The following RANBP2 variants were observed in gnomAD, a reference collection of about 807,000 sequenced individuals.
The protein encoded by RANBP2 is RAN binding protein 2.
A neutral mutation model predicts 303.6 loss-of-function variants in RANBP2; 57 were observed. The observed-to-expected ratio is 0.19, with a 90% CI of 0.15 to 0.23. The LOEUF (loss-of-function observed/expected upper bound fraction) is 0.23. Ranked by LOEUF, RANBP2 falls within the 10% of genes least tolerant of loss-of-function variation. The pLI is 1.00. For synonymous variants in RANBP2, 1,167 were observed against 1,301.5 expected, an observed-to-expected ratio of 0.90 and a Z score of 2.23; for missense variants, 3,138 against 3,780.8, an observed-to-expected ratio of 0.83 and a Z score of 4.46.
At chr2:108,873,262 G>A in the RANBP2 span, among the ~76,000 whole-genome samples, 2 of 150,102 alleles carry the variant, frequency 1.3e-5, no homozygotes, top group Non-Finnish European at 3.0e-5. Flanking sequence ...TGTTTGCCTT[G>A]TTGAATAAGA....
chr2:109,285,724 G>A, the RANBP2 span, among the ~76,000 whole-genome samples: 1 of 152,190 alleles, frequency 6.6e-6, no homozygotes, highest in Non-Finnish European at 1.5e-5. Flanking sequence ...CCCTGAGCCT[G>A]GTCCAGTGTG....
At chr2:109,005,560 G>A in the RANBP2 span, among the ~76,000 whole-genome samples, 1 of 152,168 alleles carries the variant, frequency 6.6e-6, no homozygotes, top group South Asian at 2.1e-4. Flanking sequence ...CTGGGCAGTC[G>A]CAGTGTGCAA....
intron 26 of RANBP2, among the ~76,000 whole-genome samples, chr2:108,781,845 A>G (rs1379347379): frequency 2.0e-5 from 3 of 152,214 alleles, no homozygotes; most frequent in Non-Finnish European, 4.4e-5. Context: ...TCTCTTCAGT[A>G]GCAAACACTT....
chr2:108,746,205 G>A lies in RANBP2; in HGVS notation c.976-506G>A, dbSNP rs1469670864. Among the ~76,000 whole-genome samples, 7 of 130,916 alleles carry A rather than the reference G, an allele frequency of 5.3e-5. No homozygotes were observed. The East Asian group carries it at 1.6e-3, about 29-fold the overall frequency. 85.9% of individuals were successfully genotyped at this position (130,916 alleles called of 152,430 possible). A position where few individuals can be genotyped will look rare whatever the true frequency, so the allele number is the denominator to read the frequency against. On this transcript the variant is annotated intron_variant, in intron 7 of 28. Transcript: ENST00000283195. ...TTACAGGTGTGAGCCACCATGTCTG[G>A]CCCTTTTTTTTTTTTTTTTTTTTTT...
the RANBP2 span, among the ~76,000 whole-genome samples, chr2:109,310,247 T>C: frequency 4.1e-5 from 2 of 49,260 alleles, no homozygotes; most frequent in Non-Finnish European, 6.7e-5. Context: ...GACTACTGGG[T>C]ACATAACGAA....
chr2:109,225,894 T>A, the RANBP2 span, among the ~76,000 whole-genome samples: 1 of 152,164 alleles, frequency 6.6e-6, no homozygotes, highest in African/African-American at 2.4e-5. Context: ...GCCTCCCGAG[T>A]AGCTGGGACT....
chr2:109,272,629 C>G, the RANBP2 span, among the ~76,000 whole-genome samples: 1 of 152,216 alleles, frequency 6.6e-6, no homozygotes, highest in Non-Finnish European at 1.5e-5. Context: ...CACATGCTTC[C>G]GCACAGACAC....
the RANBP2 span, among the ~76,000 whole-genome samples, chr2:109,206,126 C>T: frequency 1.3e-5 from 2 of 152,110 alleles, no homozygotes; most frequent in Non-Finnish European, 1.5e-5. Context: ...CCCCTCTCTC[C>T]CTGGAGGTTT....
intron 1 of RANBP2, among the ~76,000 whole-genome samples, chr2:108,720,538 A>T (rs1464823421): frequency 1.6e-4 from 25 of 152,174 alleles, no homozygotes; most frequent in Admixed American, 1.6e-3. Context: ...TTAAAGGTGG[A>T]TGTGCGCAGA....
rs1376344526 is a variant in RANBP2, at chr2:108,766,722, A to T, written c.6183A>T (p.Lys2061Asn). The T allele has an allele frequency of 8.7e-6, 14 of 1,612,010 alleles. 1 individual carries two copies. The highest frequency in any genetic ancestry group is 1.2e-5 in the Non-Finnish European group (14 of 1,179,850). ...AAGAAAGGGGCTTGGGGAACTTAAA[A>T]ATTCTCAAAAACGAGGTCAATGGCA... Reference protein sequence around the residue: ...QWKERGLGNLKILKNEVNGKL... With the variant: ...QWKERGLGNLNILKNEVNGKL... The change falls in exon 20 of 29, where the codon AAA becomes AAT. Residue 2061 changes from lysine to asparagine, a missense_variant. Physicochemically the swap from Lys to Asn is moderately conservative, Grantham distance 94. Transcript: ENST00000283195.
chr2:109,437,161 G>C, the RANBP2 span: 1 of 1,598,854 alleles, frequency 6.3e-7, no homozygotes, highest in Non-Finnish European at 8.5e-7. Flanking sequence ...CTTCACAGGG[G>C]CCTCACCCTG....
chr2:109,712,100 C>A, the RANBP2 span, among the ~76,000 whole-genome samples: 7 of 152,236 alleles, frequency 4.6e-5, no homozygotes, highest in South Asian at 1.5e-3. Context: ...CTATTGACTG[C>A]TGGATTTTTC....
At chr2:109,221,821 G>C in the RANBP2 span, among the ~76,000 whole-genome samples, 1 of 152,066 alleles carries the variant, frequency 6.6e-6, no homozygotes, top group South Asian at 2.1e-4. Flanking sequence ...ACGAAAACTA[G>C]AACTATCATA....
the RANBP2 span, among the ~76,000 whole-genome samples, chr2:109,736,463 T>G: frequency 6.6e-6 from 1 of 152,310 alleles, no homozygotes; most frequent in East Asian, 1.9e-4. Context: ...CAAAGACTTG[T>G]AGAAACACAT....
the RANBP2 span, chr2:109,616,844 C>T: frequency 6.0e-6 from 1 of 166,982 alleles, no homozygotes; most frequent in Admixed American, 6.5e-5. Context: ...CACTTAGCAG[C>T]CTATGATAGT....
chr2:109,491,052 T>G, the RANBP2 span: 4 of 985,906 alleles, frequency 4.1e-6, no homozygotes, highest in Non-Finnish European at 5.5e-6. Flanking sequence ...TTACCAGATG[T>G]ACCTCAACAC....
chr2:109,513,004 C>A, the RANBP2 span, among the ~76,000 whole-genome samples: 36 of 152,320 alleles, frequency 2.4e-4, no homozygotes, highest in African/African-American at 8.7e-4. Context: ...CTGCAAGAGC[C>A]CACACAATAC....
the RANBP2 span, among the ~76,000 whole-genome samples, chr2:109,330,674 G>C: frequency 6.6e-6 from 1 of 152,140 alleles, no homozygotes. Context: ...AGGAGTGATG[G>C]ATGGATGGAT....
the RANBP2 span, among the ~76,000 whole-genome samples, chr2:108,911,267 A>G: frequency 6.6e-5 from 10 of 152,086 alleles, no homozygotes; most frequent in Non-Finnish European, 1.5e-4. Flanking sequence ...GACTGCCCAC[A>G]GCCCTGCTCG....
Sources: allele counts gnomAD v4.1 joint callset (sites outside exome capture counted in the v4.1 genomes callset), GRCh38; gene constraint gnomAD v4.1.1; transcripts MANE v1.5; gene names NCBI Gene and HGNC (gene_info 2026-07-23, HGNC 2026-07-21).